The following NLGN1 variants were observed in gnomAD, a reference collection of about 807,000 sequenced individuals.
NLGN1 encodes neuroligin 1.
NLGN1 carries 12 observed loss-of-function variants against 65.5 expected under a neutral mutation model. That is an observed-to-expected ratio of 0.18 (90% CI 0.12 to 0.30). NLGN1 has a LOEUF of 0.30. Among genes scored for constraint, NLGN1 ranks in the 10% least tolerant of loss-of-function variants. The pLI is 1.00. For synonymous variants in NLGN1, 350 were observed against 359.5 expected (o/e 0.97, Z 0.30); for missense variants, 750 against 1,007.1 (o/e 0.74, Z 3.46).
intron 4 of NLGN1, among the ~76,000 whole-genome samples, chr3:174,208,766 T>C (rs1735893059): frequency 6.6e-6 from 1 of 152,048 alleles, no homozygotes; most frequent in Non-Finnish European, 1.5e-5. Flanking sequence ...GCCCAAAGGA[T>C]ATCATCAGCA....
chr3:173,404,380 C>A (rs1181105145), intron 1 of NLGN1, among the ~76,000 whole-genome samples: 1 of 152,130 alleles, frequency 6.6e-6, no homozygotes, highest in Admixed American at 6.6e-5. Context: ...TCTCATCATT[C>A]CATTGACAAT....
intron 4 of NLGN1, among the ~76,000 whole-genome samples, chr3:174,234,053 T>C (rs1312569985): frequency 1.3e-5 from 2 of 152,180 alleles, no homozygotes; most frequent in Admixed American, 1.3e-4. Flanking sequence ...TGAATAGAAG[T>C]GTTTTGGCAG....
intron 4 of NLGN1, among the ~76,000 whole-genome samples, chr3:174,018,372 A>G (rs1411044766): frequency 6.6e-6 from 1 of 152,214 alleles, no homozygotes; most frequent in Non-Finnish European, 1.5e-5. Context: ...AGACAGGCAT[A>G]GGAAATCACA....
intron 5 of NLGN1, among the ~76,000 whole-genome samples, chr3:174,277,354 A>AAAAC (rs1215579510): frequency 2.0e-5 from 3 of 152,038 alleles, no homozygotes; most frequent in Admixed American, 1.3e-4. Context: ...CTAATATGAT[A>AAAAC]AAACAAACAT....
In NLGN1 at chr3:174,250,577, G is replaced by A. The variant is rs1460200208; in HGVS notation, c.647-24738G>A. Reference sequence around the variant, plus strand: ...CACTGAAAGCCTAGAGGAAGACTCTGAGGTCTGGAAAAGGAAGAAACAAAA... The same window carrying A: ...CACTGAAAGCCTAGAGGAAGACTCTAAGGTCTGGAAAAGGAAGAAACAAAA... On this transcript the variant is annotated intron_variant, in intron 4 of 6. Coordinates refer to ENST00000457714, the Ensembl canonical transcript of NLGN1. Among the ~76,000 whole-genome samples, 6 of 152,128 alleles carry A rather than the reference G, an allele frequency of 3.9e-5. No individual in the cohort carries two copies. In the East Asian group the frequency reaches 1.2e-3, roughly 29 times the overall value.
At chr3:173,846,156 C>T (rs180959323) in intron 4 of NLGN1, among the ~76,000 whole-genome samples, 1 of 152,230 alleles carries the variant, frequency 6.6e-6, no homozygotes, top group East Asian at 1.9e-4. Flanking sequence ...ATTCCTAAAA[C>T]ATGGTAGATT....
At chr3:173,622,340 C>T (rs1253301679) in intron 3 of NLGN1, among the ~76,000 whole-genome samples, 1 of 152,008 alleles carries the variant, frequency 6.6e-6, no homozygotes, top group Admixed American at 6.6e-5. Flanking sequence ...AGCCACATGT[C>T]TTGCTGTGAG....
At chr3:173,567,038 A>G (rs973000406) in intron 2 of NLGN1, among the ~76,000 whole-genome samples, 4 of 152,052 alleles carry the variant, frequency 2.6e-5, no homozygotes, top group Admixed American at 1.3e-4. Context: ...GTGGGACCTC[A>G]TTTTCCTCTT....
intron 3 of NLGN1, among the ~76,000 whole-genome samples, chr3:173,659,854 G>A (rs964397638): frequency 2.6e-5 from 4 of 151,912 alleles, no homozygotes; most frequent in South Asian, 4.2e-4. Context: ...ACGAGGAGGT[G>A]TATGTTTTTG....
chr3:173,578,709 A>G (rs771354493), intron 2 of NLGN1, among the ~76,000 whole-genome samples: 1 of 152,202 alleles, frequency 6.6e-6, no homozygotes, highest in African/African-American at 2.4e-5. Flanking sequence ...AATTTAACTC[A>G]TTCTATACTA....
intron 4 of NLGN1, among the ~76,000 whole-genome samples, chr3:174,249,480 T>C (rs1744395400): frequency 6.6e-6 from 1 of 152,336 alleles, no homozygotes; most frequent in Middle Eastern, 3.4e-3. Flanking sequence ...AATGTCAGTC[T>C]CTTCACATTG....
intron 2 of NLGN1, chr3:173,584,861 A>C (rs1428713315): frequency 6.6e-6 from 1 of 152,066 alleles, no homozygotes. Flanking sequence ...GAATCCTGGA[A>C]CAAGAATTAC....
chr3:174,282,859 A>G (rs1484725394), exon 7 of NLGN1: 1 of 151,992 alleles, frequency 6.6e-6, no homozygotes, highest in Admixed American at 6.6e-5. Flanking sequence ...AGTTTATAAG[A>G]TAATGCAAAG....
At chr3:173,585,173 G>A (rs574036171) in intron 2 of NLGN1, 2 of 152,302 alleles carry the variant, frequency 1.3e-5, no homozygotes, top group South Asian at 4.1e-4. Flanking sequence ...CGGGGGGATC[G>A]CTAGGGAGCT....
At chr3:173,495,086 T>G (rs1270381922) in intron 2 of NLGN1, among the ~76,000 whole-genome samples, 1 of 151,866 alleles carries the variant, frequency 6.6e-6, no homozygotes, top group East Asian at 1.9e-4. Context: ...CTTTTGTAAT[T>G]TGAGGATCAT....
intron 3 of NLGN1, among the ~76,000 whole-genome samples, chr3:173,712,520 GCTCC>G (rs1052336968): frequency 6.6e-6 from 1 of 152,098 alleles, no homozygotes; most frequent in Non-Finnish European, 1.5e-5. Context: ...CTACCTGTGT[GCTCC>G]CTAACAAGTT....
chr3:173,722,252 T>TC (rs1770974708), intron 3 of NLGN1, among the ~76,000 whole-genome samples: 1 of 147,010 alleles, frequency 6.8e-6, no homozygotes, highest in South Asian at 2.2e-4. Context: ...TTTTTTTTTT[T>TC]TTTTTTTTTT....
chr3:173,422,832 T>C (rs1715343432), intron 1 of NLGN1, among the ~76,000 whole-genome samples: 2 of 152,294 alleles, frequency 1.3e-5, no homozygotes, highest in Admixed American at 6.5e-5. Context: ...TGCTGTTGAG[T>C]TGAGGTTGTT....
At chr3:174,156,763 G>A (rs1725522939) in intron 4 of NLGN1, among the ~76,000 whole-genome samples, 1 of 151,494 alleles carries the variant, frequency 6.6e-6, no homozygotes, top group African/African-American at 2.4e-5. Flanking sequence ...CAAAATTTGT[G>A]ATTAATGTCA....
Sources: gnomAD v4.1 joint callset for allele counts (sites outside exome capture counted in the v4.1 genomes callset) on GRCh38, gnomAD v4.1.1 for gene constraint, MANE v1.5 for transcripts, NCBI Gene and HGNC (gene_info 2026-07-23, HGNC 2026-07-21) for gene names.